LIPA: variants seen among roughly 807,000 people sequenced by gnomAD.
LIPA encodes the protein lipase A, lysosomal acid type, also known as lysosomal acid lipase/cholesteryl ester hydrolase.
In LIPA, 26 loss-of-function variants were observed where a neutral mutation model predicts 40.6. That is an observed-to-expected ratio of 0.64 (90% CI 0.47 to 0.89). The LOEUF is 0.89. Among genes scored for constraint, LIPA ranks in the 40% least tolerant of loss-of-function variants. The pLI is 0.00. For synonymous variants in LIPA, 188 were observed against 168.4 expected (o/e 1.12, Z -0.90); for missense variants, 455 against 479.6 (o/e 0.95, Z 0.48).
intron 2 of LIPA, chr10:89,393,434 T>C (rs1335924838): frequency 1.6e-6 from 1 of 615,628 alleles, no homozygotes; most frequent in African/African-American, 2.0e-5. Flanking sequence ...CTCAGCTGAT[T>C]TAAAAACCAT....
At chr10:89,228,795 C>A (rs1329482950) in intron 3 of LIPA, among the ~76,000 whole-genome samples, 1 of 152,160 alleles carries the variant, frequency 6.6e-6, no homozygotes, top group Admixed American at 6.5e-5. Flanking sequence ...AAAGATCACA[C>A]ATAATGAGAC....
At chr10:89,354,417 G>A (rs12263989) in intron 2 of LIPA, among the ~76,000 whole-genome samples, 4,621 of 152,278 alleles carry the variant, frequency 0.03, 127 homozygotes, top group African/African-American at 0.071. Flanking sequence ...TGGGCCATTG[G>A]TCACTCATAT....
chr10:89,240,464 A>C (rs1163886133), intron 3 of LIPA, among the ~76,000 whole-genome samples: 2 of 152,228 alleles, frequency 1.3e-5, no homozygotes, highest in Non-Finnish European at 2.9e-5. Flanking sequence ...TTTATTCATT[A>C]ATATTTTAAA....
intron 1 of LIPA, among the ~76,000 whole-genome samples, chr10:89,260,881 C>G (rs768907219): frequency 6.6e-6 from 1 of 152,188 alleles, no homozygotes; most frequent in African/African-American, 2.4e-5. Context: ...ATCCAGGACG[C>G]TCCAGGCTTT....
At chr10:89,348,384 G>A (rs1438070708) in intron 2 of LIPA, among the ~76,000 whole-genome samples, 1 of 152,074 alleles carries the variant, frequency 6.6e-6, no homozygotes, top group Non-Finnish European at 1.5e-5. Flanking sequence ...CCATTCTCAC[G>A]CAGATCTTTC....
At chr10:89,322,029 T>A (rs1843574881) in intron 1 of LIPA, among the ~76,000 whole-genome samples, 1 of 149,472 alleles carries the variant, frequency 6.7e-6, no homozygotes, top group South Asian at 2.1e-4. Flanking sequence ...TAAGAACAAC[T>A]GGACACAGGA....
chr10:89,393,325 G>GA, intron 2 of LIPA: 1 of 1,283,844 alleles, frequency 7.8e-7, no homozygotes, highest in East Asian at 5.6e-5. Context: ...CTCCTCCCTG[G>GA]AAAATCTAGG....
chr10:89,339,997 G>T, intron 1 of LIPA: 3 of 1,614,218 alleles, frequency 1.9e-6, no homozygotes, highest in Non-Finnish European at 2.5e-6. Context: ...CCTGCTAAGG[G>T]ATGCCCCTTC....
intron 3 of LIPA, among the ~76,000 whole-genome samples, chr10:89,239,011 C>T (rs538418521): frequency 2.0e-4 from 30 of 152,260 alleles, no homozygotes; most frequent in Non-Finnish European, 2.9e-4. Flanking sequence ...AAGTGGCATT[C>T]TTTGGCCCAG....
chr10:89,214,943 T>C lies in LIPA; in HGVS notation c.1085A>G (p.Asn362Ser). The change falls in exon 10 of 10, where the codon AAC (asparagine) becomes AGC (serine). Residue 362 changes from asparagine (N) to serine (S), a missense_variant. By Grantham distance (46) the Asn-to-Ser change is conservative. Coordinates refer to ENST00000336233, the MANE Select transcript of LIPA (RefSeq NM_000235.4). ...CGGAATGCTCTCATGGAACACCAAG[T>C]TGGTGATCTGAGTCAGTAAGATATT... ...DVNILLTQIT[N>S]LVFHESIPEW... The C allele has an allele frequency of 6.2e-7, 1 of 1,614,122 alleles. No homozygotes were observed. The highest frequency in any genetic ancestry group is 1.3e-5 in the African/African-American group (1 of 75,034).
At chr10:89,230,576 G>A (rs1029183456) in intron 3 of LIPA, among the ~76,000 whole-genome samples, 4 of 152,150 alleles carry the variant, frequency 2.6e-5, no homozygotes, top group African/African-American at 4.8e-5. Context: ...AAAGTGCGGG[G>A]TTTACAGGTG....
intron 2 of LIPA, among the ~76,000 whole-genome samples, chr10:89,374,169 A>T (rs1418171994): frequency 6.6e-6 from 1 of 152,112 alleles, no homozygotes; most frequent in African/African-American, 2.4e-5. Context: ...AATCAAGTTC[A>T]CTCTGCTAGT....
intron 2 of LIPA, among the ~76,000 whole-genome samples, chr10:89,354,047 C>A (rs1404823385): frequency 1.3e-5 from 2 of 152,192 alleles, no homozygotes; most frequent in Non-Finnish European, 2.9e-5. Flanking sequence ...TTGCCTCAAT[C>A]TCTCTCTTTG....
At position 89,222,557 on chromosome 10, in the gene LIPA, T is replaced by G; in HGVS notation, c.848A>C (p.His283Pro). The change falls in exon 8 of 10, where the codon CAT becomes CCT. Residue 283 changes from histidine to proline, a missense_variant. Coordinates refer to ENST00000336233, the MANE Select transcript of LIPA (RefSeq NM_000235.4). Reference protein sequence around the residue: ...NMSRVDVYTTHSPAGTSVQNM... With the variant: ...NMSRVDVYTTPSPAGTSVQNM... ...TTGCACAGAAGTTCCAGCAGGAGAA[T>G]GTGTTGTATATACATCCACTCTAGA... is the stretch of plus-strand genomic sequence containing the variant. 6.2e-7 allele frequency: 1 copy of G among 1,608,868 alleles called. No homozygotes were observed. Among genetic ancestry groups the G allele is most frequent in the Non-Finnish European group, 8.5e-7 (1 of 1,175,134 alleles).
chr10:89,305,996 C>T lies in LIPA; in HGVS notation c.-2+36615G>A, dbSNP rs777976445. ...TAAGAATTCCTTGGAGAGCAGCCTACGGCAACTAAAATGCCATTTCACCTG... is the reference window on the plus strand; with the variant it reads ...TAAGAATTCCTTGGAGAGCAGCCTATGGCAACTAAAATGCCATTTCACCTG... On this transcript the variant is annotated intron_variant, in intron 1 of 5. Transcript: ENST00000282673. 2.4e-5 allele frequency: 39 copies of T among 1,613,494 alleles called. 2 individuals carry two copies. The East Asian group carries it at 3.3e-4, about 14-fold the overall frequency.
chr10:89,369,476 C>T (rs1225866171), intron 2 of LIPA, among the ~76,000 whole-genome samples: 2 of 149,450 alleles, frequency 1.3e-5, no homozygotes, highest in African/African-American at 5.0e-5. Flanking sequence ...AGCCAAGAAG[C>T]GGTCTCTCTC....
chr10:89,237,462 AT>A (rs910986594), intron 3 of LIPA, among the ~76,000 whole-genome samples: 79 of 122,374 alleles, frequency 6.5e-4, no homozygotes, highest in African/African-American at 3.4e-3. Context: ...ACAAAAAAAA[AT>A]ATATATATAT....
At chr10:89,399,844 G>C (rs957695357) in intron 2 of LIPA, among the ~76,000 whole-genome samples, 1 of 152,126 alleles carries the variant, frequency 6.6e-6, no homozygotes, top group African/African-American at 2.4e-5. Flanking sequence ...CAGAGCTGGT[G>C]TCCTTAGACA....
chr10:89,298,359 T>G (rs965621350), intron 1 of LIPA, among the ~76,000 whole-genome samples: 6 of 152,214 alleles, frequency 3.9e-5, no homozygotes, highest in Admixed American at 6.5e-5. Context: ...AATGTCACGA[T>G]AGCCTCCAAG....
Sources: gnomAD v4.1 joint callset for allele counts (sites outside exome capture counted in the v4.1 genomes callset) on GRCh38, gnomAD v4.1.1 for gene constraint, MANE v1.5 for transcripts, NCBI Gene and HGNC (gene_info 2026-07-23, HGNC 2026-07-21) for gene names.